Variants in WBP1L observed in about 807,000 individuals in gnomAD.
WBP1L encodes WW domain binding protein 1 like.
WBP1L carries 17 observed loss-of-function variants against 33.7 expected under a neutral mutation model. The ratio of observed to expected loss-of-function variants is 0.50; its 90% CI spans 0.34 to 0.76. WBP1L has a LOEUF of 0.76. Ranked by LOEUF, WBP1L falls within the 30% of genes least tolerant of loss-of-function variation. WBP1L has a pLI of 0.01. For synonymous variants in WBP1L, 173 were observed against 190.8 expected (o/e 0.91, Z 0.77); for missense variants, 389 against 469.4 (o/e 0.83, Z 1.58).
At chr10:102,777,131 A>G (rs1470608531) in intron 1 of WBP1L, among the ~76,000 whole-genome samples, 1 of 152,170 alleles carries the variant, frequency 6.6e-6, no homozygotes, top group Non-Finnish European at 1.5e-5. Flanking sequence ...TCTGCTGAGA[A>G]CACAGCTGTT....
intron 3 of WBP1L, 140 bp downstream of exon 3, chr10:102,810,194 G>C: frequency 8.6e-7 from 1 of 1,159,962 alleles, no homozygotes. Context: ...GCAAGGTCTT[G>C]AAAGTACAGG....
Position 102,813,177 on chromosome 10 carries a change from C to A in WBP1L, c.938C>A (p.Pro313His). 6.2e-7 allele frequency: 1 copy of A among 1,614,006 alleles called. No individual in the cohort carries two copies. Among genetic ancestry groups the A allele is most frequent in the Non-Finnish European group, 8.5e-7 (1 of 1,180,024 alleles). The change falls in exon 4 of 4, where the codon CCT (proline) becomes CAT (histidine). Residue 313 changes from proline to histidine, a missense_variant. Pro to His is a moderately conservative substitution (Grantham distance 77). Coordinates refer to ENST00000448841, the MANE Select transcript of WBP1L (RefSeq NM_001083913.2). Reference sequence around the variant, plus strand: ...TGCGACAGCTGCCATGTGCGGCCCCCTGGTGATGAGGAGGAAGGCCTCTGT... The same window carrying A: ...TGCGACAGCTGCCATGTGCGGCCCCATGGTGATGAGGAGGAAGGCCTCTGT... ...DFCDSCHVRP[P>H]GDEEEGLCQS...
intron 1 of WBP1L, among the ~76,000 whole-genome samples, chr10:102,779,961 C>T (rs967145134): frequency 6.6e-6 from 1 of 152,022 alleles, no homozygotes; most frequent in Non-Finnish European, 1.5e-5. Flanking sequence ...TTGTTTTCTT[C>T]TGCAGATGAC....
chr10:102,751,381 A>G (rs576816665), intron 1 of WBP1L, among the ~76,000 whole-genome samples: 171 of 150,386 alleles, frequency 1.1e-3, no homozygotes, highest in African/African-American at 3.9e-3. Flanking sequence ...GCAGTGGTGC[A>G]ATCTCAGCTC....
At chr10:102,799,125 A>G (rs1170873367) in intron 2 of WBP1L, among the ~76,000 whole-genome samples, 1 of 152,188 alleles carries the variant, frequency 6.6e-6, no homozygotes, top group Admixed American at 6.5e-5. Context: ...CAAGAGTTCA[A>G]TACCAGCCTG....
intron 1 of WBP1L, among the ~76,000 whole-genome samples, chr10:102,761,003 C>T (rs1843030995): frequency 1.3e-5 from 2 of 152,130 alleles, no homozygotes; most frequent in African/African-American, 4.8e-5. Context: ...TCTCCTTCCT[C>T]AGCTTCCTTA....
chr10:102,749,870 C>T (rs575764425), intron 1 of WBP1L, among the ~76,000 whole-genome samples: 3 of 150,734 alleles, frequency 2.0e-5, no homozygotes, highest in East Asian at 2.0e-4. Context: ...CTCTGACTCC[C>T]GGGTTCAAGG....
chr10:102,785,598 G>A (rs1843404171), intron 1 of WBP1L, among the ~76,000 whole-genome samples: 1 of 152,194 alleles, frequency 6.6e-6, no homozygotes. Flanking sequence ...TTTAAGAGGG[G>A]AGAGGCAGTG....
At chr10:102,794,864 C>T (rs1843553084) in intron 1 of WBP1L, among the ~76,000 whole-genome samples, 1 of 152,218 alleles carries the variant, frequency 6.6e-6, no homozygotes, top group African/African-American at 2.4e-5. Flanking sequence ...CACTTTGGCA[C>T]TCATATCTCA....
intron 1 of WBP1L, among the ~76,000 whole-genome samples, chr10:102,751,158 G>A (rs900530617): frequency 3.9e-5 from 6 of 151,988 alleles, no homozygotes; most frequent in African/African-American, 1.5e-4. Context: ...GCACCACCAT[G>A]CCTAGCTAAC....
chr10:102,809,807 C>A, intron 2 of WBP1L, 86 bp from the exon 3 acceptor site: 1 of 1,463,766 alleles, frequency 6.8e-7, no homozygotes, highest in South Asian at 1.4e-5. Flanking sequence ...ACGTGGGCAC[C>A]GTCCAGGGAC....
At chr10:102,774,516 A>G (rs879432033) in intron 1 of WBP1L, among the ~76,000 whole-genome samples, 5 of 152,294 alleles carry the variant, frequency 3.3e-5, no homozygotes, top group Non-Finnish European at 5.9e-5. Context: ...AGGAAAGTCA[A>G]TGTGACCTTG....
chr10:102,761,321 G>A (rs1843037966), intron 1 of WBP1L, among the ~76,000 whole-genome samples: 1 of 151,076 alleles, frequency 6.6e-6, no homozygotes, highest in African/African-American at 2.4e-5. Context: ...TGTATTTTTA[G>A]TAGAGATGGG....
At chr10:102,775,117 C>CAAAAAA in intron 1 of WBP1L, among the ~76,000 whole-genome samples, 1 of 97,322 alleles carries the variant, frequency 1.0e-5, no homozygotes, top group Non-Finnish European at 1.9e-5. Context: ...GACCCTATCT[C>CAAAAAA]AAAAAAAAAA....
chr10:102,776,060 A>G, intron 1 of WBP1L: 1 of 978,102 alleles, frequency 1.0e-6, no homozygotes, highest in Admixed American at 6.2e-5. Context: ...CATCCTCCTC[A>G]GTATTCCAGT....
At chr10:102,784,421 C>CTTTTTTTTTTT (rs35898015) in intron 1 of WBP1L, among the ~76,000 whole-genome samples, 1 of 97,844 alleles carries the variant, frequency 1.0e-5, no homozygotes, top group Non-Finnish European at 2.1e-5. Flanking sequence ...GTTCTTGTTT[C>CTTTTTTTTTTT]TTTTTTTTTT....
At chr10:102,784,714 C>T (rs536639927) in intron 1 of WBP1L, among the ~76,000 whole-genome samples, 227 of 148,548 alleles carry the variant, frequency 1.5e-3, no homozygotes, top group Non-Finnish European at 2.9e-3. Context: ...CGTGAGCCAC[C>T]GCGCCCGGCG....
intron 1 of WBP1L, among the ~76,000 whole-genome samples, chr10:102,780,808 G>C (rs674816): frequency 0.52 from 78,509 of 152,064 alleles, 21,588 homozygotes; most frequent in Non-Finnish European, 0.61. Context: ...TTGCACTATA[G>C]GTGCTAGGTG....
intron 3 of WBP1L, among the ~76,000 whole-genome samples, chr10:102,812,165 G>A (rs1843851337): frequency 6.6e-6 from 1 of 152,218 alleles, no homozygotes. Flanking sequence ...TAGTTAAGAA[G>A]TCTGAAGTTA....
Sources: allele counts gnomAD v4.1 joint callset (sites outside exome capture counted in the v4.1 genomes callset), GRCh38; gene constraint gnomAD v4.1.1; transcripts MANE v1.5; gene names NCBI Gene and HGNC (gene_info 2026-07-23, HGNC 2026-07-21).